The following TXNL4A variants were observed in gnomAD, a reference collection of about 807,000 sequenced individuals.
TXNL4A encodes thioredoxin like 4A.
In TXNL4A, 17 loss-of-function variants were observed where a neutral mutation model predicts 14.6. The observed-to-expected ratio is 1.16, with a 90% confidence interval of 0.80 to 1.74. The LOEUF is 1.74. TXNL4A is among the 40% of genes most tolerant of loss of function. The probability of loss-of-function intolerance (pLI) is 0.00; values close to 1 mark genes in which losing one functional copy is unlikely to be tolerated. For missense variants in TXNL4A, 74 were observed against 195.2 expected, an observed-to-expected ratio of 0.38 and a Z score of 3.70; for synonymous variants, 83 against 70.6, an observed-to-expected ratio of 1.18 and a Z score of -0.88.
chr18:80,032,158 A>AT (rs2051925744), intron 1 of TXNL4A, among the ~76,000 whole-genome samples: 2 of 150,942 alleles, frequency 1.3e-5, no homozygotes, highest in South Asian at 4.2e-4. Context: ...TTTCCTCCCT[A>AT]TTTTTTATCT....
At chr18:79,991,024 C>T (rs536224278), upstream of TXNL4A, among the ~76,000 whole-genome samples, 4 of 147,486 alleles carry the variant, frequency 2.7e-5, no homozygotes, top group South Asian at 4.5e-4. Flanking sequence ...AGGAGAATGG[C>T]GTGAACCCGG....
chr18:79,992,567 C>G (rs2051634854), upstream of TXNL4A, among the ~76,000 whole-genome samples: 1 of 152,154 alleles, frequency 6.6e-6, no homozygotes, highest in South Asian at 2.1e-4. Flanking sequence ...GGAACTGGGT[C>G]AGGCAAACCT....
rs565062552 is a variant in TXNL4A, at chr18:80,033,458, C to T, written c.-61+393G>A. 7.9e-5 allele frequency among the ~76,000 whole-genome samples: 12 copies of T among 152,328 alleles called. No individual in the cohort carries two copies. In the East Asian group the frequency reaches 2.3e-3, roughly 29 times the overall value. On this transcript the variant is annotated intron_variant, in intron 1 of 2. Transcript: ENST00000585474. ...GCTGACTCTGGGGAGGCGGGCGGGG[C>T]GAGACCACTTCTGGGGAGGACGCCC...
At chr18:80,010,182 C>T (rs997708128) in intron 1 of TXNL4A, among the ~76,000 whole-genome samples, 2 of 152,024 alleles carry the variant, frequency 1.3e-5, no homozygotes, top group Non-Finnish European at 2.9e-5. Context: ...GAAGTTGGGG[C>T]GAAGGTTTAA....
At chr18:80,009,109 C>A (rs1385719107) in intron 1 of TXNL4A, among the ~76,000 whole-genome samples, 3 of 152,160 alleles carry the variant, frequency 2.0e-5, no homozygotes, top group Admixed American at 2.0e-4. Flanking sequence ...CTCAATTTTC[C>A]AGGGGCTTTA....
chr18:79,998,037 T>C (rs2051674013), intron 1 of TXNL4A, among the ~76,000 whole-genome samples: 1 of 152,138 alleles, frequency 6.6e-6, no homozygotes, highest in Non-Finnish European at 1.5e-5. Flanking sequence ...CTCAGGCCTG[T>C]AATCCCAGCA....
chr18:80,030,350 C>A (rs1299767343), intron 1 of TXNL4A, among the ~76,000 whole-genome samples: 1 of 152,256 alleles, frequency 6.6e-6, no homozygotes, highest in East Asian at 1.9e-4. Context: ...TGATTTAACA[C>A]CCTTTAGTAA....
chr18:80,010,210 C>A (rs986422548), intron 1 of TXNL4A, among the ~76,000 whole-genome samples: 1 of 152,128 alleles, frequency 6.6e-6, no homozygotes, highest in Non-Finnish European at 1.5e-5. Context: ...AAGAAGAAAG[C>A]TCTCTGCCAG....
intron 1 of TXNL4A, among the ~76,000 whole-genome samples, chr18:79,985,272 T>C (rs568506421): frequency 6.6e-6 from 1 of 152,348 alleles, no homozygotes; most frequent in South Asian, 2.1e-4. Context: ...CTTTTTTTTT[T>C]TGAGACAGGG....
At chr18:80,020,430 A>T (rs1008486809) in intron 1 of TXNL4A, among the ~76,000 whole-genome samples, 3 of 152,176 alleles carry the variant, frequency 2.0e-5, no homozygotes, top group Admixed American at 2.0e-4. Context: ...TAAACAGTTA[A>T]CTTATTCCTC....
chr18:80,031,178 A>C (rs2051918660), intron 1 of TXNL4A, among the ~76,000 whole-genome samples: 1 of 152,218 alleles, frequency 6.6e-6, no homozygotes, highest in African/African-American at 2.4e-5. Flanking sequence ...TGGCCAACTC[A>C]GTCAAAATGT....
intron 1 of TXNL4A, among the ~76,000 whole-genome samples, chr18:79,986,325 G>C (rs1235160092): frequency 6.6e-6 from 1 of 152,140 alleles, no homozygotes; most frequent in Admixed American, 6.5e-5. Context: ...ATGAACTACC[G>C]CGCCTGGCCT....
intron 1 of TXNL4A, among the ~76,000 whole-genome samples, chr18:80,032,004 G>T (rs2051924383): frequency 6.6e-6 from 1 of 152,186 alleles, no homozygotes; most frequent in African/African-American, 2.4e-5. Flanking sequence ...TAACTGAAAG[G>T]GCTAGGGTAA....
chr18:79,982,240 C>T lies in TXNL4A; in HGVS notation c.154-4539G>A, dbSNP rs779485587. ...AGCAGAAGTGCAGGACAGTGGGGAC[C>T]GATGCGCAGGTGGACTGGCCCACAG... On this transcript the variant is annotated intron_variant, in intron 1 of 2. Coordinates refer to ENST00000269601, the MANE Select transcript of TXNL4A (RefSeq NM_006701.5). This position sits in a 1 kb window ranked among gnomAD's most constrained non-coding sequence, Gnocchi z 4.0. Among the ~76,000 whole-genome samples the T allele has an allele frequency of 6.6e-6, 1 of 152,166 alleles. No individual in the cohort carries two copies. Among genetic ancestry groups the T allele is most frequent in the African/African-American group, 2.4e-5 (1 of 41,440 alleles).
intron 2 of TXNL4A, among the ~76,000 whole-genome samples, chr18:79,976,101 C>T (rs1352072570): frequency 6.6e-6 from 1 of 152,186 alleles, no homozygotes; most frequent in Non-Finnish European, 1.5e-5. Flanking sequence ...TCCAGGGGAG[C>T]GTATCCCGAC....
rs1346703673 is a variant in TXNL4A at position 79,971,232 on chromosome 18, C to G, written c.*2453G>C. Reference sequence around the variant, plus strand: ...CATCTGTTGATGGACACGTGGGTTTCCACATTTTGGCTTCTGTGTACGAGT... The same window carrying G: ...CATCTGTTGATGGACACGTGGGTTTGCACATTTTGGCTTCTGTGTACGAGT... On this transcript the variant is annotated 3_prime_UTR_variant, in exon 3 of 3. Transcript: ENST00000269601. 1 of 152,262 alleles carries G rather than the reference C, an allele frequency of 6.6e-6. No individual in the cohort carries two copies. The highest frequency in any genetic ancestry group is 6.5e-5 in the Admixed American group (1 of 15,284). 9.4% of individuals were successfully genotyped at this position (152,262 alleles called of 1,614,324 possible). A position where few individuals can be genotyped will look rare whatever the true frequency, so the allele number is the denominator to read the frequency against.
intron 1 of TXNL4A, chr18:79,986,593 A>G: frequency 1.0e-6 from 1 of 985,458 alleles, no homozygotes; most frequent in Non-Finnish European, 1.2e-6. Flanking sequence ...AAAGACCCTA[A>G]ACACTTACAT....
intron 1 of TXNL4A, among the ~76,000 whole-genome samples, chr18:80,033,256 CAT>C (rs770043761): frequency 2.0e-5 from 3 of 151,658 alleles, no homozygotes; most frequent in Non-Finnish European, 4.4e-5. Context: ...CACACACGTA[CAT>C]ATGCACACAT....
Position 79,972,680 on chromosome 18 carries a change from G to C in TXNL4A, c.*1005C>G, listed in dbSNP as rs1202359141. 4 of 152,160 alleles carry C rather than the reference G, an allele frequency of 2.6e-5. No individual in the cohort carries two copies. The highest frequency in any genetic ancestry group is 3.9e-4 in the East Asian group (2 of 5,194). 9.4% of individuals were successfully genotyped at this position (152,160 alleles called of 1,614,324 possible). A position where few individuals can be genotyped will look rare whatever the true frequency, so the allele number is the denominator to read the frequency against. ...GGATTTCACCATGTTGGCCAGGCTG[G>C]TCTCGAACACCTGACTTCGTGATCT... On this transcript the variant is annotated 3_prime_UTR_variant, in exon 3 of 3. Coordinates refer to ENST00000269601, the MANE Select transcript of TXNL4A (RefSeq NM_006701.5).
Sources: allele counts gnomAD v4.1 joint callset (sites outside exome capture counted in the v4.1 genomes callset), GRCh38; gene constraint gnomAD v4.1.1; non-coding constraint Gnocchi (gnomAD v3.1); transcripts MANE v1.5; gene names NCBI Gene and HGNC (gene_info 2026-07-23, HGNC 2026-07-21).